The following MIA2 variants were observed in gnomAD, a reference collection of about 807,000 sequenced individuals.
MIA2 encodes MIA SH3 domain ER export factor 2, also known as melanoma inhibitory activity protein 2.
In MIA2, 127 loss-of-function variants were observed where a neutral mutation model predicts 167.8. That is an observed-to-expected ratio of 0.76 (90% CI 0.66 to 0.88). The LOEUF (loss-of-function observed/expected upper bound fraction) is 0.88, where lower values mean the gene tolerates loss of function less well. MIA2 is among the 40% of genes least tolerant of loss of function. MIA2 has a pLI of 0.00. For missense variants in MIA2, 1,690 were observed against 1,624.7 expected (o/e 1.04, Z -0.69); for synonymous variants, 552 against 541.9 (o/e 1.02, Z -0.26).
rs1567034970 is a variant in MIA2, at chr14:39,350,153, AT to A, written c.4133del (p.Phe1378SerfsTer17). On this transcript the variant is annotated frameshift_variant, in exon 29 of 29. Transcript: ENST00000640607. LOFTEE classifies it high-confidence loss of function. Reference sequence around the variant, plus strand: ...CTCCTTACCTTCCCCCAAGACCTGGATTTTTCCCCCCACCCCCACATTCTGA... The same window carrying A: ...CTCCTTACCTTCCCCCAAGACCTGGATTTTCCCCCCACCCCCACATTCTGA... ...FPPYLPPRPG[F>X]FPPPPHSEGR... 4 of 1,344,474 alleles carry A rather than the reference AT, an allele frequency of 3.0e-6. No homozygotes were observed. Among genetic ancestry groups the A allele is most frequent in the Admixed American group, 2.2e-5 (1 of 44,460 alleles). 83.3% of individuals were successfully genotyped at this position (1,344,474 alleles called of 1,614,324 possible).
chr14:39,362,942 C>T (rs1567051163), intron 23 of MIA2, among the ~76,000 whole-genome samples: 2 of 152,122 alleles, frequency 1.3e-5, no homozygotes, highest in African/African-American at 4.8e-5. Flanking sequence ...TCCCAGTGGT[C>T]TGTCATTTAG....
chr14:39,368,488 C>T (rs914150948), intron 23 of MIA2, among the ~76,000 whole-genome samples: 1 of 152,164 alleles, frequency 6.6e-6, no homozygotes, highest in Non-Finnish European at 1.5e-5. Context: ...GGCTAAAGAG[C>T]TGTACTCCTC....
intron 27 of MIA2, 49 bp downstream of exon 27, chr14:39,347,820 T>TC (rs2073675261): frequency 4.7e-6 from 2 of 423,580 alleles, no homozygotes; most frequent in Non-Finnish European, 6.8e-6. Context: ...GAAGCCTTCT[T>TC]TTTTTTTTTT....
chr14:39,281,563 A>G (rs145114658), intron 9 of MIA2, among the ~76,000 whole-genome samples: 32 of 141,032 alleles, frequency 2.3e-4, no homozygotes, highest in Non-Finnish European at 4.2e-4. Context: ...GTACAATTCT[A>G]TTTTTTAATT....
At chr14:39,286,383 G>T (rs955454164) in intron 9 of MIA2, among the ~76,000 whole-genome samples, 1 of 151,906 alleles carries the variant, frequency 6.6e-6, no homozygotes, top group Non-Finnish European at 1.5e-5. Context: ...GCAGTGAGCG[G>T]AGATGGCAGC....
chr14:39,253,545 TC>T, intron 6 of MIA2: 1 of 238,142 alleles, frequency 4.2e-6, no homozygotes, highest in Non-Finnish European at 8.0e-6. Context: ...GGCAGGAGGA[TC>T]CTTTTACTGA....
chr14:39,312,582 T>G (rs1182244656), intron 18 of MIA2, among the ~76,000 whole-genome samples: 1 of 152,220 alleles, frequency 6.6e-6, no homozygotes, highest in Non-Finnish European at 1.5e-5. Flanking sequence ...CAAGATATAT[T>G]AATGATAGTA....
rs1210870995 is a variant in MIA2, at chr14:39,345,434, A to T, written c.3656-470A>T. 2.6e-5 allele frequency among the ~76,000 whole-genome samples: 4 copies of T among 152,288 alleles called. No homozygotes were observed. In the East Asian group the frequency reaches 7.7e-4, roughly 29 times the overall value. ...AAACGTCAATATTACTGAAAGTTTG[A>T]CAATGATGACATCTGAATGATACTC... On this transcript the variant is annotated intron_variant, in intron 25 of 28. Transcript: ENST00000640607.
intron 6 of MIA2, among the ~76,000 whole-genome samples, chr14:39,263,633 C>CTTTTTTTTTT (rs35948974): frequency 7.6e-6 from 1 of 130,918 alleles, no homozygotes; most frequent in Admixed American, 8.1e-5. Context: ...CTCTCTCTCT[C>CTTTTTTTTTT]TTTTTTTTTT....
chr14:39,313,521 C>A, intron 19 of MIA2, 80 bp downstream of exon 19: 1 of 758,830 alleles, frequency 1.3e-6, no homozygotes, highest in Non-Finnish European at 2.1e-6. Context: ...AATAATAAAT[C>A]AAATGAAAAT....
chr14:39,253,885 G>A (rs2054697520), intron 6 of MIA2, among the ~76,000 whole-genome samples: 1 of 152,152 alleles, frequency 6.6e-6, no homozygotes, highest in Admixed American at 6.6e-5. Flanking sequence ...TTTTACAAAT[G>A]TTCCTTTTCT....
intron 25 of MIA2, among the ~76,000 whole-genome samples, chr14:39,327,464 T>C (rs1158775322): frequency 6.6e-6 from 1 of 151,948 alleles, no homozygotes; most frequent in Non-Finnish European, 1.5e-5. Flanking sequence ...TCATCCTCTT[T>C]TGTAATTGTC....
At chr14:39,283,471 A>C (rs1264427530) in intron 9 of MIA2, among the ~76,000 whole-genome samples, 1 of 152,184 alleles carries the variant, frequency 6.6e-6, no homozygotes, top group Non-Finnish European at 1.5e-5. Context: ...AACAATGTTG[A>C]AGAAAACAAT....
chr14:39,271,634 T>A (rs1427939371), intron 6 of MIA2, among the ~76,000 whole-genome samples: 2 of 152,040 alleles, frequency 1.3e-5, no homozygotes. Context: ...CTCTTAATAA[T>A]ATTAAGTCTT....
At chr14:39,362,783 T>A (rs2074715263) in intron 23 of MIA2, among the ~76,000 whole-genome samples, 1 of 152,154 alleles carries the variant, frequency 6.6e-6, no homozygotes. Flanking sequence ...TTGTGTGAAA[T>A]TTTCCTACTA....
intron 23 of MIA2, among the ~76,000 whole-genome samples, chr14:39,376,487 A>G (rs1415162002): frequency 6.6e-6 from 1 of 152,194 alleles, no homozygotes; most frequent in East Asian, 1.9e-4. Flanking sequence ...TAGGTTTAAT[A>G]TAACAAATTT....
chr14:39,367,240 T>C (rs954493916), intron 23 of MIA2, among the ~76,000 whole-genome samples: 3 of 152,154 alleles, frequency 2.0e-5, no homozygotes, highest in African/African-American at 7.2e-5. Context: ...GACCCTGTCA[T>C]TCCACTGAGT....
rs1020739958 is a variant in MIA2 at position 39,273,540 on chromosome 14, T to C, written c.1888-3394T>C. 2.0e-5 allele frequency among the ~76,000 whole-genome samples: 3 copies of C among 152,134 alleles called. 1 individual carries two copies. Among genetic ancestry groups the C allele is most frequent in the South Asian group, 4.1e-4 (2 of 4,830 alleles). Reference sequence around the variant, plus strand: ...GCTAATTTTTGTTGAATGTTTTGACTATGAAACGGTGCTAGATATAGTCAA... The same window carrying C: ...GCTAATTTTTGTTGAATGTTTTGACCATGAAACGGTGCTAGATATAGTCAA... On this transcript the variant is annotated intron_variant, in intron 6 of 28. Coordinates refer to ENST00000640607, the MANE Select transcript of MIA2 (RefSeq NM_001329214.4).
chr14:39,242,277 C>T (rs559947965), intron 3 of MIA2, among the ~76,000 whole-genome samples: 1 of 151,612 alleles, frequency 6.6e-6, no homozygotes, highest in African/African-American at 2.4e-5. Context: ...GGAATTATTG[C>T]TTCTTAATCA....
Sources: gnomAD v4.1 joint callset for allele counts (sites outside exome capture counted in the v4.1 genomes callset) on GRCh38, gnomAD v4.1.1 for gene constraint, MANE v1.5 for transcripts, NCBI Gene and HGNC (gene_info 2026-07-23, HGNC 2026-07-21) for gene names.